PDE3B: variants seen among roughly 807,000 people sequenced by gnomAD.
PDE3B encodes the protein phosphodiesterase 3B, also known as cGMP-inhibited 3',5'-cyclic phosphodiesterase 3B.
In PDE3B, 66 loss-of-function variants were observed where a neutral mutation model predicts 116.8. The ratio of observed to expected loss-of-function variants is 0.56; its 90% CI spans 0.46 to 0.69. The LOEUF is 0.69. Among genes scored for constraint, PDE3B ranks in the 30% least tolerant of loss-of-function variants. The pLI, the probability that PDE3B is intolerant of heterozygous loss-of-function variation, is 0.00. For missense variants in PDE3B, 1,384 were observed against 1,368.1 expected, an observed-to-expected ratio of 1.01 and a Z score of -0.18; for synonymous variants, 595 against 533.6, an observed-to-expected ratio of 1.12 and a Z score of -1.59.
chr11:14,660,170 G>A (rs898070528), intron 1 of PDE3B, among the ~76,000 whole-genome samples: 1 of 152,142 alleles, frequency 6.6e-6, no homozygotes, highest in African/African-American at 2.4e-5. Context: ...TAGAGTTTAC[G>A]AGATCTTATG....
At chr11:14,819,368 T>G (rs1460418977) in intron 7 of PDE3B, among the ~76,000 whole-genome samples, 159 bp downstream of exon 7, 5 of 152,174 alleles carry the variant, frequency 3.3e-5, no homozygotes, top group Non-Finnish European at 5.9e-5. Context: ...TAGAACAAAT[T>G]ATAAGTAATA....
the PDE3B span, chr11:14,885,935 AAAC>A: frequency 3.1e-6 from 5 of 1,611,800 alleles, no homozygotes; most frequent in South Asian, 1.1e-5. Context: ...AAGAGAAGAA[AAAC>A]AACATTTAAA....
At position 14,804,061 on chromosome 11, in the gene PDE3B, A is replaced by T. The variant is rs1565144665; in HGVS notation, c.1522+11A>T. Reference sequence around the variant, plus strand: ...GTCTCAGAAGAGCTGGTAAGAAATCATTCTTTATGACTCAAATATGGGGGT... The same window carrying T: ...GTCTCAGAAGAGCTGGTAAGAAATCTTTCTTTATGACTCAAATATGGGGGT... On this transcript the variant is annotated intron_variant, in intron 5 of 15. Coordinates refer to ENST00000282096, the MANE Select transcript of PDE3B (RefSeq NM_000922.4). 7.0e-7 allele frequency: 1 copy of T among 1,435,958 alleles called. No individual in the cohort carries two copies. The highest frequency in any genetic ancestry group is 1.4e-5 in the African/African-American group (1 of 71,490). The allele number at this position is 1,435,958 out of a possible 1,614,324, so 89.0% of individuals were successfully genotyped here. A position where few individuals can be genotyped will look rare whatever the true frequency, so the allele number is the denominator to read the frequency against.
chr11:14,702,089 G>A (rs555098280), intron 1 of PDE3B, among the ~76,000 whole-genome samples: 5 of 150,984 alleles, frequency 3.3e-5, no homozygotes, highest in Non-Finnish European at 7.4e-5. Context: ...AATTTTTAAA[G>A]TGTTTTTCTC....
chr11:14,734,133 A>G (rs901027532), intron 1 of PDE3B, among the ~76,000 whole-genome samples: 1 of 152,190 alleles, frequency 6.6e-6, no homozygotes, highest in African/African-American at 2.4e-5. Context: ...GTGCAGTGGC[A>G]TGATCACAGC....
intron 11 of PDE3B, among the ~76,000 whole-genome samples, chr11:14,841,829 C>T (rs1860236707): frequency 6.7e-6 from 1 of 149,630 alleles, no homozygotes. Flanking sequence ...CGTGCCTGGC[C>T]CATGCTGTTT....
chr11:14,756,329 A>C (rs1857180148), intron 1 of PDE3B, among the ~76,000 whole-genome samples: 1 of 152,190 alleles, frequency 6.6e-6, no homozygotes, highest in South Asian at 2.1e-4. Flanking sequence ...TTAATGACAG[A>C]CTATTTATAA....
At position 14,867,754 on chromosome 11, in the gene PDE3B, T is replaced by A; in HGVS notation, c.3135T>A (p.Asn1045Lys). Residue 1045 changes from asparagine to lysine, a missense_variant, in exon 15 of 16, where the codon AAT becomes AAA. Asn to Lys is a moderately conservative substitution (Grantham distance 94, BLOSUM62 0). Around this residue, in one of 2 missense-constraint regions of PDE3B, gnomAD observed 428 missense variants for 561.4 expected, o/e 0.76. Coordinates refer to ENST00000282096, the MANE Select transcript of PDE3B (RefSeq NM_000922.4). ...ATGAAGAAATGGAAAACAATCTAAA[T>A]CCAAGTAAGAATATAGGGACATTAT... Reference protein sequence around the residue: ...TEDEEMENNLNPKPPRRKSRR... With the variant: ...TEDEEMENNLKPKPPRRKSRR... 1 of 1,603,482 alleles carries A rather than the reference T, an allele frequency of 6.2e-7. No individual in the cohort carries two copies. Among genetic ancestry groups the A allele is most frequent in the South Asian group, 1.1e-5 (1 of 90,756 alleles).
chr11:14,700,036 G>T (rs927360853), intron 1 of PDE3B, among the ~76,000 whole-genome samples: 2 of 151,646 alleles, frequency 1.3e-5, no homozygotes, highest in Non-Finnish European at 3.0e-5. Flanking sequence ...TGGCTTAAAT[G>T]AATAAATACT....
intron 1 of PDE3B, among the ~76,000 whole-genome samples, chr11:14,753,004 G>C (rs1317752047): frequency 6.6e-6 from 1 of 151,958 alleles, no homozygotes; most frequent in Non-Finnish European, 1.5e-5. Flanking sequence ...TAGTCTTCAG[G>C]TATTAAGGAA....
At chr11:14,713,691 TC>T in intron 1 of PDE3B, among the ~76,000 whole-genome samples, 1 of 114,396 alleles carries the variant, frequency 8.7e-6, no homozygotes, top group Non-Finnish European at 1.8e-5. Context: ...TAATAAAAAA[TC>T]TTTACACACA....
chr11:14,812,547 G>T (rs1859178070), intron 5 of PDE3B, among the ~76,000 whole-genome samples: 1 of 152,124 alleles, frequency 6.6e-6, no homozygotes, highest in Non-Finnish European at 1.5e-5. Context: ...ATTTTAAGAA[G>T]CTATAAGTTT....
chr11:14,803,162 T>C (rs1199027389), intron 4 of PDE3B, among the ~76,000 whole-genome samples: 2 of 151,810 alleles, frequency 1.3e-5, no homozygotes, highest in Admixed American at 1.3e-4. Flanking sequence ...TATGTCTGCC[T>C]AGGTTACAGC....
intron 12 of PDE3B, among the ~76,000 whole-genome samples, chr11:14,852,447 A>G (rs1222901361): frequency 6.6e-6 from 1 of 152,248 alleles, no homozygotes; most frequent in Non-Finnish European, 1.5e-5. Context: ...TAACTGTCTC[A>G]CATGAAGATA....
rs1853349070 is a variant in PDE3B at position 14,645,002 on chromosome 11, C to T, written c.927C>T (p.Gly309=). 2 of 1,613,286 alleles carry T rather than the reference C, an allele frequency of 1.2e-6. No homozygotes were observed. The highest frequency in any genetic ancestry group is 1.3e-5 in the African/African-American group (1 of 74,894). The change falls in exon 1 of 16, where the codon GGC becomes GGT. Residue 309 remains glycine, a synonymous_variant. Coordinates refer to ENST00000282096, the MANE Select transcript of PDE3B (RefSeq NM_000922.4). Reference sequence around the variant, plus strand: ...GAGAAACTGCAGCCAGTTACTATGGCAGTTGCAAAATATTCAGGAGACCGT... The same window carrying T: ...GAGAAACTGCAGCCAGTTACTATGGTAGTTGCAAAATATTCAGGAGACCGT... The part of the protein sequence containing the change: ...SLGETAASYY[G]SCKIFRRPSL...
At chr11:14,879,148 A>C in the PDE3B span, 1 of 1,613,252 alleles carries the variant, frequency 6.2e-7, no homozygotes, top group South Asian at 1.1e-5. Flanking sequence ...CCTTCTTGGC[A>C]AAATATCCAC....
chr11:14,892,164 G>C, the PDE3B span: 5 of 1,610,768 alleles, frequency 3.1e-6, no homozygotes, highest in Non-Finnish European at 4.2e-6. Context: ...GCGCGCCGCC[G>C]AGCGCCGCCG....
chr11:14,660,183 C>G (rs1410360351), intron 1 of PDE3B, among the ~76,000 whole-genome samples: 2 of 152,128 alleles, frequency 1.3e-5, no homozygotes, highest in South Asian at 4.1e-4. Flanking sequence ...ATCTTATGCC[C>G]TGTTTATAAG....
chr11:14,724,466 A>T (rs1451677), intron 1 of PDE3B, among the ~76,000 whole-genome samples: 3 of 151,992 alleles, frequency 2.0e-5, no homozygotes, highest in Admixed American at 6.6e-5. Flanking sequence ...CAAAATCTGA[A>T]GCTTTTTGAA....
Sources: gnomAD v4.1 joint callset for allele counts (sites outside exome capture counted in the v4.1 genomes callset) on GRCh38, gnomAD v4.1.1 for gene constraint, gnomAD v4.1.1 regional missense constraint, MANE v1.5 for transcripts, NCBI Gene and HGNC (gene_info 2026-07-23, HGNC 2026-07-21) for gene names.